Variants in NKAIN2 observed in about 807,000 individuals in gnomAD.
NKAIN2 encodes sodium/potassium transporting ATPase interacting 2.
NKAIN2 carries 14 observed loss-of-function variants against 32.6 expected under a neutral mutation model. The observed-to-expected ratio is 0.43, with a 90% CI of 0.28 to 0.67. The LOEUF (loss-of-function observed/expected upper bound fraction) is 0.67, where lower values mean the gene tolerates loss of function less well. Ranked by LOEUF, NKAIN2 falls within the 30% of genes least tolerant of loss-of-function variation. The pLI is 0.17. For synonymous variants in NKAIN2, 80 were observed against 87.2 expected (o/e 0.92, Z 0.46); for missense variants, 198 against 258.3 (o/e 0.77, Z 1.60).
At chr6:124,505,292 T>A (rs566493586) in intron 3 of NKAIN2, among the ~76,000 whole-genome samples, 1 of 152,358 alleles carries the variant, frequency 6.6e-6, no homozygotes, top group East Asian at 1.9e-4. Flanking sequence ...TATATCACTT[T>A]CTTAACATAT....
At position 124,793,425 on chromosome 6, in the gene NKAIN2, T is replaced by C. The variant is rs1403060703; in HGVS notation, c.535+2026T>C. On this transcript the variant is annotated intron_variant, in intron 5 of 6. Coordinates refer to ENST00000368417, the MANE Select transcript of NKAIN2 (RefSeq NM_001040214.3). ...GGACCAAACAAACTATGTAAGTTCA[T>C]TGAGATATTACCATTCAGTGTCTGT... Among the ~76,000 whole-genome samples the C allele has an allele frequency of 2.0e-5, 3 of 152,136 alleles. No individual in the cohort carries two copies. In the East Asian group the frequency reaches 5.8e-4, roughly 29 times the overall value.
At chr6:123,860,084 A>G (rs568696522) in intron 1 of NKAIN2, among the ~76,000 whole-genome samples, 66 of 152,288 alleles carry the variant, frequency 4.3e-4, no homozygotes, top group Non-Finnish European at 5.6e-4. Context: ...AGGAAAGTCA[A>G]TGCCACAGTG....
rs559820799 is a variant in NKAIN2, at chr6:124,377,770, G to T, written c.273+22423G>T. Among the ~76,000 whole-genome samples, 5 of 152,230 alleles carry T rather than the reference G, an allele frequency of 3.3e-5. No homozygotes were observed. In the South Asian group the frequency reaches 8.3e-4, roughly 25 times the overall value. Reference sequence around the variant, plus strand: ...AGCGTGGAATGACATAAAATAGTTTGCATTTTAGGAATATAACTAGAGTGA... The same window carrying T: ...AGCGTGGAATGACATAAAATAGTTTTCATTTTAGGAATATAACTAGAGTGA... On this transcript the variant is annotated intron_variant, in intron 3 of 6. Transcript: ENST00000368417.
intron 3 of NKAIN2, among the ~76,000 whole-genome samples, chr6:124,422,164 A>G (rs1289382614): frequency 6.6e-6 from 1 of 152,116 alleles, no homozygotes; most frequent in Non-Finnish European, 1.5e-5. Context: ...TTTTTAATTT[A>G]GTATATGTCA....
rs144032146 is a variant in NKAIN2 at position 124,134,024 on chromosome 6, C to T, written c.55-148981C>T. ...CTATCTCCCCAGCAACTGATCTAAA[C>T]GAAGAAGAAATCCCTGAATTACCAG... On this transcript the variant is annotated intron_variant, in intron 1 of 6. Transcript: ENST00000368417. Among the ~76,000 whole-genome samples, 1,060 of 151,178 alleles carry T rather than the reference C, an allele frequency of 7.0e-3. 10 individuals are homozygous for T. The highest frequency in any genetic ancestry group is 0.023 in the African/African-American group (958 of 41,204).
At chr6:123,806,672 T>C (rs1476869368) in intron 1 of NKAIN2, among the ~76,000 whole-genome samples, 1 of 152,044 alleles carries the variant, frequency 6.6e-6, no homozygotes, top group Non-Finnish European at 1.5e-5. Context: ...TCATGTACCA[T>C]TGACTGAAAT....
intron 4 of NKAIN2, among the ~76,000 whole-genome samples, chr6:124,789,521 C>T (rs1779649876): frequency 6.6e-6 from 1 of 151,942 alleles, no homozygotes. Context: ...CTGGCTCACT[C>T]CATAAAAAGA....
At chr6:123,929,375 AAAG>A (rs1254163798) in intron 1 of NKAIN2, among the ~76,000 whole-genome samples, 1 of 152,042 alleles carries the variant, frequency 6.6e-6, no homozygotes, top group Non-Finnish European at 1.5e-5. Flanking sequence ...CACAGAGGAG[AAAG>A]AAGATTTGTC....
chr6:123,996,154 G>C (rs9401719), intron 1 of NKAIN2, among the ~76,000 whole-genome samples: 68,462 of 151,806 alleles, frequency 0.45, 16,413 homozygotes, highest in East Asian at 0.61. Flanking sequence ...TTATTAAAAA[G>C]TCAGTTATTT....
chr6:124,586,877 A>G (rs768990834), intron 3 of NKAIN2, among the ~76,000 whole-genome samples: 1 of 152,250 alleles, frequency 6.6e-6, no homozygotes, highest in Non-Finnish European at 1.5e-5. Context: ...TGATATATGC[A>G]GCAACATGGA....
intron 3 of NKAIN2, among the ~76,000 whole-genome samples, chr6:124,406,885 C>T (rs970913843): frequency 6.6e-6 from 1 of 152,050 alleles, no homozygotes; most frequent in Non-Finnish European, 1.5e-5. Context: ...TATCTTCTTT[C>T]ATGAAGCTTG....
intron 5 of NKAIN2, among the ~76,000 whole-genome samples, chr6:124,810,152 T>C (rs1418741408): frequency 6.6e-6 from 1 of 152,266 alleles, no homozygotes; most frequent in African/African-American, 2.4e-5. Context: ...CAAAGGACTA[T>C]AAATCATGCT....
At chr6:124,115,359 A>C (rs530230744) in intron 1 of NKAIN2, among the ~76,000 whole-genome samples, 1 of 152,268 alleles carries the variant, frequency 6.6e-6, no homozygotes, top group African/African-American at 2.4e-5. Flanking sequence ...GGTCAGCCAC[A>C]CCTTAAATGT....
intron 1 of NKAIN2, among the ~76,000 whole-genome samples, chr6:123,900,532 GTTTTTTTTTTTT>G (rs34370743): frequency 3.5e-3 from 115 of 32,758 alleles, no homozygotes; most frequent in East Asian, 7.5e-3. Context: ...CTCCAGATTA[GTTTTTTTTTTTT>G]TTTTTTTTTT....
At chr6:124,168,511 A>G (rs769605770) in intron 1 of NKAIN2, among the ~76,000 whole-genome samples, 16 of 152,090 alleles carry the variant, frequency 1.1e-4, no homozygotes, top group South Asian at 2.1e-4. Context: ...TTTGTGAAAA[A>G]TGCTAAATAT....
intron 3 of NKAIN2, among the ~76,000 whole-genome samples, chr6:124,381,796 C>A (rs1297077425): frequency 1.3e-5 from 2 of 152,094 alleles, no homozygotes; most frequent in African/African-American, 4.8e-5. Flanking sequence ...AAACACTGAT[C>A]AGGAATCACA....
chr6:124,520,122 G>A (rs1779066430), intron 3 of NKAIN2, among the ~76,000 whole-genome samples: 1 of 152,086 alleles, frequency 6.6e-6, no homozygotes, highest in Admixed American at 6.6e-5. Flanking sequence ...GAGGCGGACA[G>A]ATAAACAGAA....
chr6:124,159,284 A>G (rs968722666), intron 1 of NKAIN2, among the ~76,000 whole-genome samples: 6 of 152,138 alleles, frequency 3.9e-5, no homozygotes, highest in African/African-American at 1.4e-4. Flanking sequence ...TAACATCTTT[A>G]TGTTTTAATC....
chr6:124,341,391 A>G (rs1458731403), intron 2 of NKAIN2, among the ~76,000 whole-genome samples: 2 of 152,200 alleles, frequency 1.3e-5, no homozygotes, highest in Non-Finnish European at 2.9e-5. Context: ...ATTAAACCAT[A>G]TATTCATAGG....
Sources: allele counts gnomAD v4.1 joint callset (sites outside exome capture counted in the v4.1 genomes callset), GRCh38; gene constraint gnomAD v4.1.1; transcripts MANE v1.5; gene names NCBI Gene and HGNC (gene_info 2026-07-23, HGNC 2026-07-21).